SLC6A7: variants seen among roughly 807,000 people sequenced by gnomAD.
SLC6A7 encodes sodium-dependent proline transporter.
A neutral mutation model predicts 73.1 loss-of-function variants in SLC6A7; 58 were observed. That is an observed-to-expected ratio of 0.79 (90% CI 0.64 to 0.99). The LOEUF is 0.99. SLC6A7 is among the 50% of genes least tolerant of loss of function. The pLI, the probability that SLC6A7 is intolerant of heterozygous loss-of-function variation, is 0.00. For missense variants in SLC6A7, 783 were observed against 831.4 expected (o/e 0.94, Z 0.72); for synonymous variants, 338 against 338.7 (o/e 1.00, Z 0.02).
rs560828053 is a variant in SLC6A7, at chr5:150,202,313, C to T, written c.859-34C>T. The stretch of plus-strand genomic sequence containing the variant: ...CCTTCCTTCTCTGTCCTTGACCATC[C>T]GCACACCCTCCCTTTCCATCCTTCC... On this transcript the variant is annotated intron_variant, in intron 6 of 13. Coordinates refer to ENST00000230671, the MANE Select transcript of SLC6A7 (RefSeq NM_014228.5). 3.5e-4 allele frequency: 505 copies of T among 1,457,504 alleles called. 5 individuals carry two copies. In the South Asian group the frequency reaches 4.4e-3, roughly 13 times the overall value. The allele number at this position is 1,457,504 out of a possible 1,614,324, so 90.3% of individuals were successfully genotyped here. A position where few individuals can be genotyped will look rare whatever the true frequency, so the allele number is the denominator to read the frequency against.
chr5:150,201,234 C>A lies in SLC6A7; in HGVS notation c.858+11C>A. On this transcript the variant is annotated intron_variant, in intron 6 of 13. Transcript: ENST00000230671. ...TTGTTGTCTTCCAAGGTGAGCCCCT[C>A]AGGGCGGGGTGCAGAGGGAGGGGCC... The A allele has an allele frequency of 6.3e-7, 1 of 1,598,232 alleles. No individual in the cohort carries two copies. Among genetic ancestry groups the A allele is most frequent in the South Asian group, 1.1e-5 (1 of 88,138 alleles).
chr5:150,209,167 A>G (rs1235309446), intron 13 of SLC6A7, among the ~76,000 whole-genome samples: 1 of 152,250 alleles, frequency 6.6e-6, no homozygotes. Flanking sequence ...CAGAGCACCC[A>G]GAGCCGAGCG....
chr5:150,200,837 G>T (rs1319820766), intron 5 of SLC6A7, among the ~76,000 whole-genome samples: 1 of 152,202 alleles, frequency 6.6e-6, no homozygotes, highest in African/African-American at 2.4e-5. Flanking sequence ...GACACGGGGA[G>T]GAGGAGGCTT....
intron 13 of SLC6A7, 92 bp from the exon 14 acceptor site, chr5:150,209,314 T>G: frequency 9.6e-7 from 1 of 1,040,840 alleles, no homozygotes; most frequent in Non-Finnish European, 1.5e-6. Context: ...CCCAGTGATG[T>G]GGTCAGGTGT....
chr5:150,196,804 C>A lies in SLC6A7; in HGVS notation c.306C>A (p.Ser102Arg). 1 of 1,614,088 alleles carries A rather than the reference C, an allele frequency of 6.2e-7. No homozygotes were observed. The highest frequency in any genetic ancestry group is 8.5e-7 in the Non-Finnish European group (1 of 1,179,960). ...AGCTCTCCCTGGGCCAGTTCTCCAG[C>A]CTAGGGCCCCTGGCTGTCTGGAAAA... is the stretch of plus-strand genomic sequence containing the variant. ...FLELSLGQFS[S>R]LGPLAVWKIS... is the part of the protein sequence containing the mutation. The change falls in exon 3 of 14, where the codon AGC becomes AGA. Residue 102 changes from serine (S) to arginine (R), a missense_variant. Ser to Arg is a moderately radical substitution (Grantham distance 110). Transcript: ENST00000230671.
At chr5:150,205,282 A>G (rs558446402) in intron 12 of SLC6A7, among the ~76,000 whole-genome samples, 174 bp from the exon 13 acceptor site, 1 of 98 alleles carries the variant, frequency 0.01, no homozygotes, top group Non-Finnish European at 0.028. Context: ...TGGGCTGGCT[A>G]AACCCTCAAA....
At chr5:150,194,035 A>G (rs971034498) in intron 1 of SLC6A7, among the ~76,000 whole-genome samples, 1 of 152,228 alleles carries the variant, frequency 6.6e-6, no homozygotes, top group African/African-American at 2.4e-5. Context: ...AATGTGAGTG[A>G]GATGTCTAGT....
At position 150,204,822 on chromosome 5, in the gene SLC6A7, T is replaced by A. The variant is rs747241746; in HGVS notation, c.1433-5T>A. On this transcript the variant is annotated splice_polypyrimidine_tract_variant and splice_region_variant and intron_variant, in intron 11 of 13. Transcript: ENST00000230671. ...GGGCCATTCCTCCTCCCCTCCCCTG[T>A]GCAGGCATTCAGAGGTTCTGCCGAG... 6.2e-7 allele frequency: 1 copy of A among 1,604,692 alleles called. No homozygotes were observed. The highest frequency in any genetic ancestry group is 1.7e-5 in the Admixed American group (1 of 59,968).
chr5:150,195,468 C>G (rs142551144), intron 2 of SLC6A7, among the ~76,000 whole-genome samples: 3 of 152,220 alleles, frequency 2.0e-5, no homozygotes, highest in Non-Finnish European at 4.4e-5. Context: ...TGGGGCTGAG[C>G]GCCTACCACC....
chr5:150,203,254 AT>A (rs946166196), intron 8 of SLC6A7, among the ~76,000 whole-genome samples: 8 of 152,020 alleles, frequency 5.3e-5, no homozygotes, highest in African/African-American at 1.9e-4. Flanking sequence ...AGATTGTCAC[AT>A]TTTGTGCTTT....
chr5:150,206,481 C>A (rs1753706285), intron 13 of SLC6A7, among the ~76,000 whole-genome samples: 1 of 152,188 alleles, frequency 6.6e-6, no homozygotes, highest in Non-Finnish European at 1.5e-5. Context: ...ACAAAGCGGG[C>A]CTCCCTTGCA....
At chr5:150,197,359 C>T (rs1351613336) in intron 4 of SLC6A7, 83 bp downstream of exon 4, 3 of 872,064 alleles carry the variant, frequency 3.4e-6, no homozygotes, top group Admixed American at 5.3e-5. Flanking sequence ...ACAGTCTCAG[C>T]ATGTACCGCC....
rs144951054 is a variant in SLC6A7 at position 150,201,911 on chromosome 5, C to T, written c.859-436C>T. Among the ~76,000 whole-genome samples, 486 of 152,296 alleles carry T rather than the reference C, an allele frequency of 3.2e-3. 5 individuals are homozygous for T. The highest frequency in any genetic ancestry group is 0.011 in the African/African-American group (476 of 41,558). Reference sequence around the variant, plus strand: ...CTATCCCCTCGTTACAGATAGGGATCCTGCGGTCCAGAGGGGTGACCTGGC... The same window carrying T: ...CTATCCCCTCGTTACAGATAGGGATTCTGCGGTCCAGAGGGGTGACCTGGC... On this transcript the variant is annotated intron_variant, in intron 6 of 13. Transcript: ENST00000230671.
At chr5:150,191,456 A>G (rs1752780842) in intron 1 of SLC6A7, among the ~76,000 whole-genome samples, 2 of 145,856 alleles carry the variant, frequency 1.4e-5, no homozygotes, top group African/African-American at 2.6e-5. Flanking sequence ...TTTGAGACGG[A>G]GTCTCGCTCT....
Position 150,209,965 on chromosome 5 carries a change from T to G in SLC6A7, c.*350T>G. Reference sequence around the variant, plus strand: ...CGCCTCCTGACCAGCCAGCTCCCTTTCCCATGGGGCAGCCGGCACCACCTT... The same window carrying G: ...CGCCTCCTGACCAGCCAGCTCCCTTGCCCATGGGGCAGCCGGCACCACCTT... On this transcript the variant is annotated 3_prime_UTR_variant, in exon 14 of 14. Transcript: ENST00000230671. The G allele has an allele frequency of 6.3e-6, 2 of 319,186 alleles. No homozygotes were observed. The highest frequency in any genetic ancestry group is 6.9e-5 in the East Asian group (1 of 14,590). 19.8% of individuals were successfully genotyped at this position (319,186 alleles called of 1,614,324 possible).
rs771231375 is a variant in SLC6A7 at position 150,209,512 on chromosome 5, C to T, written c.1808C>T (p.Pro603Leu). The T allele has an allele frequency of 1.2e-6, 2 of 1,614,192 alleles. No homozygotes were observed. Among genetic ancestry groups the T allele is most frequent in the South Asian group, 1.1e-5 (1 of 91,082 alleles). ...CTGGCTGGGAGCCAGTCACCAAAGCCACTGATGGTGCACATGCGCAAGTAC... is the reference window on the plus strand; with the variant it reads ...CTGGCTGGGAGCCAGTCACCAAAGCTACTGATGGTGCACATGCGCAAGTAC... The part of the protein sequence containing the change: ...ATLAGSQSPK[P>L]LMVHMRKYGG... Residue 603 changes from proline to leucine, a missense_variant, in exon 14 of 14, where the codon CCA (proline) becomes CTA (leucine). Transcript: ENST00000230671.
chr5:150,202,401 G>A lies in SLC6A7; in HGVS notation c.913G>A (p.Gly305Arg). 1 of 1,614,128 alleles carries A rather than the reference G, an allele frequency of 6.2e-7. No homozygotes were observed. Among genetic ancestry groups the A allele is most frequent in the Non-Finnish European group, 8.5e-7 (1 of 1,180,002 alleles). The change falls in exon 7 of 14, where the codon GGG becomes AGG. Residue 305 changes from glycine to arginine, a missense_variant. Transcript: ENST00000230671. ...IFYSLGVGFG[G>R]LLTFASYNTF... ...CTATTCCCTGGGTGTGGGCTTCGGG[G>A]GGCTCCTCACCTTTGCCTCCTACAA...
chr5:150,203,960 C>T lies in SLC6A7; in HGVS notation c.1254C>T (p.Tyr418=). 4 of 1,613,176 alleles carry T rather than the reference C, an allele frequency of 2.5e-6. No individual in the cohort carries two copies. The stretch of plus-strand genomic sequence containing the variant: ...CTGTGACAGATGAGTTCCCATACTA[C>T]CTGCGGCCCAAGAAGGCGGTGTTCT... ...VTAVTDEFPY[Y]LRPKKAVFSG... The change falls in exon 10 of 14, where the codon TAC becomes TAT. Residue 418 remains tyrosine (Y), a synonymous_variant. Coordinates refer to ENST00000230671, the MANE Select transcript of SLC6A7 (RefSeq NM_014228.5).
rs1341951827 is a variant in SLC6A7, at chr5:150,190,147, TCGCAGCGCCCTGCCCGCGCTCCACGCC to T, written c.-174_-148del. 1.6e-5 allele frequency: 8 copies of T among 500,560 alleles called. No individual in the cohort carries two copies. The highest frequency in any genetic ancestry group is 2.7e-5 in the Non-Finnish European group (8 of 291,848). 31.0% of individuals were successfully genotyped at this position (500,560 alleles called of 1,614,324 possible). A position where few individuals can be genotyped will look rare whatever the true frequency, so the allele number is the denominator to read the frequency against. ...CGCTGCGCAGGGACAGACAAGGCAT[TCGCAGCGCCCTGCCCGCGCTCCACGCC>T]CGCAGCCGCCAGACGGCAGCGCCTG... On this transcript the variant is annotated 5_prime_UTR_variant, in exon 1 of 14. Coordinates refer to ENST00000230671, the MANE Select transcript of SLC6A7 (RefSeq NM_014228.5).
Sources: allele counts gnomAD v4.1 joint callset (sites outside exome capture counted in the v4.1 genomes callset), GRCh38; gene constraint gnomAD v4.1.1; transcripts MANE v1.5; gene names NCBI Gene and HGNC (gene_info 2026-07-23, HGNC 2026-07-21).